Variants in TLN2 observed in about 807,000 individuals in gnomAD.
TLN2 encodes talin 2.
TLN2 carries 118 observed loss-of-function variants against 294.7 expected under a neutral mutation model. The observed-to-expected ratio is 0.40, with a 90% CI of 0.34 to 0.47. The LOEUF (loss-of-function observed/expected upper bound fraction) is 0.47. Among genes scored for constraint, TLN2 ranks in the 20% least tolerant of loss-of-function variants. The pLI is 0.84. For synonymous variants in TLN2, 1,431 were observed against 1,304.5 expected (o/e 1.10, Z -2.09); for missense variants, 3,083 against 3,282.2 (o/e 0.94, Z 1.48).
intron 17 of TLN2, among the ~76,000 whole-genome samples, 159 bp downstream of exon 17, chr15:62,701,373 C>T (rs2058711618): frequency 7.9e-5 from 12 of 152,106 alleles, no homozygotes; most frequent in Admixed American, 7.9e-4. Flanking sequence ...CATTTTCTCC[C>T]AGTGACCCAG....
chr15:62,743,850 A>G (rs971440474), intron 32 of TLN2, among the ~76,000 whole-genome samples: 2 of 152,134 alleles, frequency 1.3e-5, no homozygotes, highest in African/African-American at 4.8e-5. Context: ...CCCCCGGGCC[A>G]GGTTTCAGCT....
intron 11 of TLN2, among the ~76,000 whole-genome samples, chr15:62,684,908 C>T (rs747326750): frequency 6.7e-6 from 1 of 149,468 alleles, no homozygotes; most frequent in Non-Finnish European, 1.5e-5. Flanking sequence ...TGTGCCATTA[C>T]CCTGTGTTGG....
intron 1 of TLN2, among the ~76,000 whole-genome samples, chr15:62,519,579 T>C (rs931222544): frequency 1.3e-5 from 2 of 152,222 alleles, no homozygotes; most frequent in Non-Finnish European, 2.9e-5. Flanking sequence ...CTCTTACTTT[T>C]ACAGGCTGAT....
intron 1 of TLN2, among the ~76,000 whole-genome samples, chr15:62,583,219 A>C (rs764156476): frequency 1.3e-5 from 2 of 152,204 alleles, no homozygotes; most frequent in Non-Finnish European, 2.9e-5. Flanking sequence ...TTCCATGGCC[A>C]GTTGCTTTTT....
chr15:62,467,658 C>G (rs555977178), intron 1 of TLN2, among the ~76,000 whole-genome samples: 53 of 150,276 alleles, frequency 3.5e-4, no homozygotes, highest in Admixed American at 4.7e-4. Flanking sequence ...GCACTCCAGC[C>G]TGGGTGACAG....
chr15:62,730,025 T>A (rs988929007), intron 28 of TLN2, among the ~76,000 whole-genome samples: 6 of 117,282 alleles, frequency 5.1e-5, no homozygotes, highest in South Asian at 2.9e-4. Flanking sequence ...TATTTTATTG[T>A]TGTCTTTTTT....
intron 1 of TLN2, among the ~76,000 whole-genome samples, chr15:62,501,497 T>C (rs1444010368): frequency 6.6e-6 from 1 of 152,154 alleles, no homozygotes; most frequent in East Asian, 1.9e-4. Flanking sequence ...TCTCAGAAAA[T>C]GAAGCTTGCA....
chr15:62,410,229 G>A (rs949100705), intron 1 of TLN2, among the ~76,000 whole-genome samples: 3 of 151,520 alleles, frequency 2.0e-5, no homozygotes, highest in Admixed American at 2.0e-4. Context: ...GTGACAGAGC[G>A]AGACTCCATC....
intron 12 of TLN2, among the ~76,000 whole-genome samples, chr15:62,687,296 T>C (rs1027572892): frequency 6.6e-5 from 10 of 152,230 alleles, no homozygotes; most frequent in Non-Finnish European, 1.3e-4. Flanking sequence ...CAGTTTGTCA[T>C]TTCCCAGCTG....
intron 3 of TLN2, among the ~76,000 whole-genome samples, chr15:62,640,577 C>G (rs1226620136): frequency 2.0e-5 from 3 of 152,010 alleles, no homozygotes; most frequent in Admixed American, 6.5e-5. Flanking sequence ...GATAGTAATG[C>G]CAGCCTTGCG....
At chr15:62,569,892 A>G (rs1232105048) in intron 1 of TLN2, among the ~76,000 whole-genome samples, 1 of 152,256 alleles carries the variant, frequency 6.6e-6, no homozygotes, top group Non-Finnish European at 1.5e-5. Flanking sequence ...TTAATAATCA[A>G]GCTAAAGTTA....
chr15:62,708,668 C>T lies in TLN2; in HGVS notation c.2339C>T (p.Ala780Val). Reference protein sequence around the residue: ...VSAAASVVSQALHDLLQHVRQ... With the variant: ...VSAAASVVSQVLHDLLQHVRQ... ...GCAGCGGCCAGCGTGGTCAGCCAGG[C>T]CCTCCATGATCTCCTGCAGCATGTG... Residue 780 changes from alanine (A) to valine (V), a missense_variant, in exon 21 of 59, where the codon GCC (alanine) becomes GTC (valine). By Grantham distance (64) the Ala-to-Val change is moderately conservative (BLOSUM62 0). Coordinates refer to ENST00000636159, the MANE Select transcript of TLN2 (RefSeq NM_015059.3). 6.2e-7 allele frequency: 1 copy of T among 1,614,166 alleles called. No individual in the cohort carries two copies. Among genetic ancestry groups the T allele is most frequent in the Non-Finnish European group, 8.5e-7 (1 of 1,180,044 alleles).
chr15:62,604,997 A>G (rs1184050424), intron 2 of TLN2, among the ~76,000 whole-genome samples: 1 of 152,136 alleles, frequency 6.6e-6, no homozygotes, highest in Non-Finnish European at 1.5e-5. Context: ...GTTTCTTACT[A>G]CATTTGCAGG....
intron 1 of TLN2, among the ~76,000 whole-genome samples, chr15:62,505,874 T>C (rs958109450): frequency 2.0e-5 from 3 of 152,198 alleles, no homozygotes; most frequent in African/African-American, 4.8e-5. Context: ...CCTCTTTGGG[T>C]AGCCTGAACT....
chr15:62,767,694 T>C lies in TLN2; in HGVS notation c.5196+1272T>C, dbSNP rs372811718. ...TATACGGCAATTAGAAAAGGGCTTGTCCGTCTGTCTGAAGAGGTTTGCAGG... is the reference window on the plus strand; with the variant it reads ...TATACGGCAATTAGAAAAGGGCTTGCCCGTCTGTCTGAAGAGGTTTGCAGG... On this transcript the variant is annotated intron_variant, in intron 41 of 58. Transcript: ENST00000636159. 2.7e-4 allele frequency among the ~76,000 whole-genome samples: 41 copies of C among 152,368 alleles called. No individual in the cohort carries two copies. In the East Asian group the frequency reaches 6.0e-3, roughly 22 times the overall value.
At chr15:62,670,542 A>G (rs931719965) in intron 9 of TLN2, among the ~76,000 whole-genome samples, 3 of 152,166 alleles carry the variant, frequency 2.0e-5, no homozygotes, top group Non-Finnish European at 4.4e-5. Flanking sequence ...CTTCTGATGA[A>G]CTTGGAATCT....
chr15:62,717,505 TG>T, intron 23 of TLN2, 70 bp from the exon 24 acceptor site: 1 of 1,090,598 alleles, frequency 9.2e-7, no homozygotes, highest in Non-Finnish European at 1.2e-6. Flanking sequence ...GACTCTGTGG[TG>T]GAAGTGACCT....
intron 28 of TLN2, chr15:62,733,799 T>G (rs952043815): frequency 6.6e-6 from 1 of 152,224 alleles, no homozygotes; most frequent in African/African-American, 2.4e-5. Flanking sequence ...AGGACTGTGG[T>G]TATTGAAACA....
intron 11 of TLN2, chr15:62,684,103 A>T (rs1444053276): frequency 1.3e-5 from 2 of 152,012 alleles, no homozygotes; most frequent in Non-Finnish European, 2.9e-5. Context: ...CTCAGTTGTG[A>T]CCTGTTGATA....
Sources: allele counts gnomAD v4.1 joint callset (sites outside exome capture counted in the v4.1 genomes callset), GRCh38; gene constraint gnomAD v4.1.1; transcripts MANE v1.5; gene names NCBI Gene and HGNC (gene_info 2026-07-23, HGNC 2026-07-21).